Variants in AMPD1 observed in about 807,000 individuals in gnomAD.
The protein encoded by AMPD1 is adenosine monophosphate deaminase 1, also known as AMP deaminase 1.
In AMPD1, 74 loss-of-function variants were observed where a neutral mutation model predicts 82.9. That is an observed-to-expected ratio of 0.89 (90% CI 0.74 to 1.08). The LOEUF is 1.08. Ranked by LOEUF, AMPD1 falls within the 50% of genes least tolerant of loss-of-function variation. AMPD1 has a pLI of 0.00. For missense variants in AMPD1, 881 were observed against 924.5 expected (o/e 0.95, Z 0.61); for synonymous variants, 333 against 320.5 (o/e 1.04, Z -0.42).
chr1:114,677,423 A>G lies in AMPD1; in HGVS notation c.1316T>C (p.Leu439Pro). ...GCGATTGCAGACGAACCAGGAGGAG[A>G]GTTTGCTCCACTCATCAGGACTGCG... is the stretch of plus-strand genomic sequence containing the variant. Reference protein sequence around the residue: ...YGRSPDEWSKLSSWFVCNRIH... With the variant: ...YGRSPDEWSKPSSWFVCNRIH... Residue 439 changes from leucine (L) to proline (P), a missense_variant, in exon 10 of 16, where the codon CTC becomes CCC. Physicochemically the swap from Leu to Pro is moderately conservative, Grantham distance 98. Around this residue, in one of 2 missense-constraint regions of AMPD1, gnomAD observed 783 missense variants for 786.4 expected, o/e 1.00. Transcript: ENST00000520113. 1 of 1,611,108 alleles carries G rather than the reference A, an allele frequency of 6.2e-7. No homozygotes were observed. Among genetic ancestry groups the G allele is most frequent in the Non-Finnish European group, 8.5e-7 (1 of 1,179,408 alleles).
At chr1:114,678,143 G>A in intron 8 of AMPD1, 102 bp from the exon 9 acceptor site, 1 of 1,515,398 alleles carries the variant, frequency 6.6e-7, no homozygotes, top group South Asian at 1.1e-5. Flanking sequence ...TAGTGGGGGA[G>A]GGCATTGGGC....
intron 3 of AMPD1, among the ~76,000 whole-genome samples, chr1:114,687,272 G>C (rs1658350045): frequency 6.6e-6 from 1 of 152,024 alleles, no homozygotes; most frequent in South Asian, 2.1e-4. Context: ...CCTTAAACAT[G>C]GATAAAGGAG....
At chr1:114,687,830 G>A (rs563301902) in intron 3 of AMPD1, among the ~76,000 whole-genome samples, 36 of 152,272 alleles carry the variant, frequency 2.4e-4, no homozygotes, top group Admixed American at 9.2e-4. Flanking sequence ...ACTAACTGGA[G>A]GGCAGGATTC....
chr1:114,692,925 G>A (rs1658556369), intron 2 of AMPD1, among the ~76,000 whole-genome samples: 1 of 151,296 alleles, frequency 6.6e-6, no homozygotes, highest in East Asian at 1.9e-4. Context: ...TTGAGGTCAG[G>A]AGTTCGAGAC....
At chr1:114,676,064 G>A (rs1376838897) in intron 10 of AMPD1, 61 bp from the exon 11 acceptor site, 29 of 1,569,542 alleles carry the variant, frequency 1.8e-5, no homozygotes, top group Non-Finnish European at 2.4e-5. Context: ...GATAGCCCCA[G>A]TATGAGGGAA....
intron 1 of AMPD1, among the ~76,000 whole-genome samples, chr1:114,694,170 C>T (rs887759171): frequency 2.0e-5 from 3 of 151,810 alleles, no homozygotes; most frequent in Admixed American, 6.6e-5. Context: ...GAGCCAAGAT[C>T]GCACCACTGC....
chr1:114,682,642 G>T lies in AMPD1; in HGVS notation c.547+1557C>A, dbSNP rs533427591. 6.0e-5 allele frequency among the ~76,000 whole-genome samples: 9 copies of T among 150,952 alleles called. No homozygotes were observed. The South Asian group carries it at 1.7e-3, about 28-fold the overall frequency. On this transcript the variant is annotated intron_variant, in intron 5 of 15. Transcript: ENST00000520113. ...CGCCCAGGCTGGAGTGCAGTGGCGCGATCTCAGCTCACTGCAAGCTCCGCC... is the reference window on the plus strand; with the variant it reads ...CGCCCAGGCTGGAGTGCAGTGGCGCTATCTCAGCTCACTGCAAGCTCCGCC...
chr1:114,695,203 T>G (rs1570859512), intron 1 of AMPD1, among the ~76,000 whole-genome samples: 1 of 151,778 alleles, frequency 6.6e-6, no homozygotes, highest in South Asian at 2.1e-4. Flanking sequence ...TTTCACAGAG[T>G]TTTCTACTGG....
At chr1:114,689,230 C>T (rs557865300) in intron 2 of AMPD1, among the ~76,000 whole-genome samples, 1 of 152,272 alleles carries the variant, frequency 6.6e-6, no homozygotes, top group Admixed American at 6.5e-5. Flanking sequence ...TAAATGTGTA[C>T]TGTAGGGCCT....
chr1:114,678,476 G>T lies in AMPD1; in HGVS notation c.949C>A (p.Arg317Ser), dbSNP rs548608037. Residue 317 changes from arginine to serine, a missense_variant, in exon 8 of 16, where the codon CGT (arginine) becomes AGT (serine). Physicochemically the swap from Arg to Ser is moderately radical, Grantham distance 110 (BLOSUM62 -1). Coordinates refer to ENST00000520113, the MANE Select transcript of AMPD1 (RefSeq NM_000036.3). ...AACMNQKHLL[R>S]FIKKSYQIDA... ...ATTTGGTAAGATTTCTTAATAAAAC[G>T]CAGCAGATGTTTCTGGTTCATGCAA... is the stretch of plus-strand genomic sequence containing the variant. 1 of 1,614,148 alleles carries T rather than the reference G, an allele frequency of 6.2e-7. No individual in the cohort carries two copies. The highest frequency in any genetic ancestry group is 1.7e-5 in the Admixed American group (1 of 60,030).
At chr1:114,681,798 C>T (rs1658166999) in intron 5 of AMPD1, among the ~76,000 whole-genome samples, 1 of 151,988 alleles carries the variant, frequency 6.6e-6, no homozygotes, top group African/African-American at 2.4e-5. Flanking sequence ...TGGGTTTTGG[C>T]AAATGTATAA....
At chr1:114,678,868 G>A (rs1658075001) in intron 7 of AMPD1, among the ~76,000 whole-genome samples, 1 of 152,156 alleles carries the variant, frequency 6.6e-6, no homozygotes, top group South Asian at 2.1e-4. Context: ...ATAACTTTCA[G>A]CCCCTAAGGA....
At chr1:114,684,894 T>C (rs1271395947) in intron 4 of AMPD1, among the ~76,000 whole-genome samples, 3 of 152,174 alleles carry the variant, frequency 2.0e-5, no homozygotes, top group Non-Finnish European at 4.4e-5. Flanking sequence ...CATCATTCTG[T>C]GAGAAGTTAG....
chr1:114,679,521 A>C (rs1418619179), intron 7 of AMPD1, 58 bp downstream of exon 7: 1 of 1,602,792 alleles, frequency 6.2e-7, no homozygotes, highest in African/African-American at 1.3e-5. Flanking sequence ...TGTGCTTCTC[A>C]ATAAATAATT....
At position 114,675,029 on chromosome 1, in the gene AMPD1, A is replaced by G. The variant is rs944094256; in HGVS notation, c.1680-157T>C. The G allele has an allele frequency of 1.6e-5, 16 of 1,014,464 alleles. No individual in the cohort carries two copies. In the African/African-American group the frequency reaches 1.9e-4, roughly 12 times the overall value. 62.8% of individuals were successfully genotyped at this position (1,014,464 alleles called of 1,614,324 possible). A position where few individuals can be genotyped will look rare whatever the true frequency, so the allele number is the denominator to read the frequency against. On this transcript the variant is annotated intron_variant, in intron 12 of 15. Coordinates refer to ENST00000520113, the MANE Select transcript of AMPD1 (RefSeq NM_000036.3). ...CATAATCTTAATTCTTGCTAAATAC[A>G]AAGTTTCCAAAAAGAGGCAGCAGAG...
chr1:114,689,978 A>G (rs778484409), intron 2 of AMPD1, among the ~76,000 whole-genome samples: 1 of 152,232 alleles, frequency 6.6e-6, no homozygotes, highest in Non-Finnish European at 1.5e-5. Context: ...AAGAGCTGGT[A>G]GCAATAATGA....
rs79658258 is a variant in AMPD1 at position 114,693,160 on chromosome 1, A to G, written c.34+276T>C. On this transcript the variant is annotated intron_variant, in intron 2 of 15. Transcript: ENST00000520113. Reference sequence around the variant, plus strand: ...AATAAATAAATAAATAAATAAATAAATAAATAAGTAAAAGCACTGCATGAG... The same window carrying G: ...AATAAATAAATAAATAAATAAATAAGTAAATAAGTAAAAGCACTGCATGAG... Among the ~76,000 whole-genome samples the G allele has an allele frequency of 0.2, 25,236 of 127,694 alleles. 2,572 individuals carry two copies. The highest frequency in any genetic ancestry group is 0.26 in the Non-Finnish European group (15,446 of 58,940). 83.8% of individuals were successfully genotyped at this position (127,694 alleles called of 152,430 possible). A position where few individuals can be genotyped will look rare whatever the true frequency, so the allele number is the denominator to read the frequency against.
chr1:114,684,205 A>G lies in AMPD1; in HGVS notation c.541T>C (p.Tyr181His). The change falls in exon 5 of 16, where the codon TAT becomes CAT. Residue 181 changes from tyrosine to histidine, a missense_variant. By Grantham distance (83) the Tyr-to-His change is moderately conservative. This residue lies in a region of AMPD1 where 783 missense variants were observed against 786.4 expected (regional missense o/e 1.00). Coordinates refer to ENST00000520113, the MANE Select transcript of AMPD1 (RefSeq NM_000036.3). ...GEAWVANESF[Y>H]PVFTPPVKKG... Reference sequence around the variant, plus strand: ...TATGTAAGAGAATTGTTACCTGGATAGAAGCTCTCATTTGCTACCCAAGCC... The same window carrying G: ...TATGTAAGAGAATTGTTACCTGGATGGAAGCTCTCATTTGCTACCCAAGCC... The G allele has an allele frequency of 1.2e-6, 2 of 1,614,228 alleles. No individual in the cohort carries two copies. The highest frequency in any genetic ancestry group is 1.7e-6 in the Non-Finnish European group (2 of 1,180,036).
intron 2 of AMPD1, among the ~76,000 whole-genome samples, chr1:114,691,225 G>A (rs1033643534): frequency 5.3e-5 from 8 of 152,086 alleles, no homozygotes; most frequent in Non-Finnish European, 1.0e-4. Flanking sequence ...GCTGAAATTT[G>A]ACTCTTAATT....
Sources: allele counts gnomAD v4.1 joint callset (sites outside exome capture counted in the v4.1 genomes callset), GRCh38; gene constraint gnomAD v4.1.1; regional missense constraint gnomAD v4.1.1; transcripts MANE v1.5; gene names NCBI Gene and HGNC (gene_info 2026-07-23, HGNC 2026-07-21).